The following NEK7 variants were observed in gnomAD, a reference collection of about 807,000 sequenced individuals.
The protein encoded by NEK7 is NIMA related kinase 7.
A neutral mutation model predicts 44.6 loss-of-function variants in NEK7; 18 were observed. That is an observed-to-expected ratio of 0.40 (90% CI 0.28 to 0.60). The LOEUF (loss-of-function observed/expected upper bound fraction) is 0.60, where lower values mean the gene tolerates loss of function less well. NEK7 is among the 20% of genes least tolerant of loss of function. The probability of loss-of-function intolerance (pLI) is 0.38; values close to 1 mark genes in which losing one functional copy is unlikely to be tolerated. For missense variants in NEK7, 256 were observed against 366.5 expected, an observed-to-expected ratio of 0.70 and a Z score of 2.46; for synonymous variants, 130 against 121.1, an observed-to-expected ratio of 1.07 and a Z score of -0.48.
intron 9 of NEK7, among the ~76,000 whole-genome samples, chr1:198,306,111 C>A (rs1655018560): frequency 6.6e-6 from 1 of 152,076 alleles, no homozygotes; most frequent in Non-Finnish European, 1.5e-5. Flanking sequence ...CAGTAGTGTC[C>A]ACCCCCATAG....
chr1:198,160,881 T>A (rs1364287474), intron 1 of NEK7, among the ~76,000 whole-genome samples: 1 of 152,256 alleles, frequency 6.6e-6, no homozygotes, highest in Non-Finnish European at 1.5e-5. Context: ...CTAGGTGTTG[T>A]GTATTTTCAC....
At chr1:198,253,698 C>T (rs537692303) in intron 3 of NEK7, among the ~76,000 whole-genome samples, 3 of 152,136 alleles carry the variant, frequency 2.0e-5, no homozygotes, top group Non-Finnish European at 4.4e-5. Context: ...GTATTTGTGT[C>T]ATTCTGGAAT....
At chr1:198,162,695 C>T (rs1242486278) in intron 1 of NEK7, among the ~76,000 whole-genome samples, 1 of 152,076 alleles carries the variant, frequency 6.6e-6, no homozygotes, top group African/African-American at 2.4e-5. Flanking sequence ...TGGGCTGCTT[C>T]CCACTTCTGC....
At chr1:198,192,145 G>GTT (rs2102769024) in intron 1 of NEK7, among the ~76,000 whole-genome samples, 1 of 151,236 alleles carries the variant, frequency 6.6e-6, no homozygotes, top group South Asian at 2.1e-4. Flanking sequence ...GAAGTTGTTT[G>GTT]TTTTATCTTA....
intron 9 of NEK7, among the ~76,000 whole-genome samples, chr1:198,306,147 A>G (rs1408830475): frequency 6.6e-6 from 1 of 152,184 alleles, no homozygotes; most frequent in Non-Finnish European, 1.5e-5. Flanking sequence ...TGAATAAATT[A>G]AATCATGTAA....
intron 1 of NEK7, among the ~76,000 whole-genome samples, chr1:198,183,730 T>G (rs1172640769): frequency 1.3e-5 from 2 of 152,138 alleles, no homozygotes; most frequent in Non-Finnish European, 1.5e-5. Flanking sequence ...TAAGCAGGCA[T>G]TATATTTTCA....
At chr1:198,193,534 G>A (rs958005611) in intron 1 of NEK7, among the ~76,000 whole-genome samples, 2 of 152,090 alleles carry the variant, frequency 1.3e-5, no homozygotes, top group African/African-American at 2.4e-5. Context: ...CAATATGCCC[G>A]ATGAACATCA....
chr1:198,259,945 C>T (rs538776917), intron 3 of NEK7, among the ~76,000 whole-genome samples: 1 of 152,154 alleles, frequency 6.6e-6, no homozygotes, highest in South Asian at 2.1e-4. Flanking sequence ...GAACAAGTAG[C>T]ACTTACAAGT....
chr1:198,278,847 C>G, intron 6 of NEK7, 107 bp from the exon 7 acceptor site: 1 of 625,956 alleles, frequency 1.6e-6, no homozygotes, highest in Admixed American at 2.9e-5. Flanking sequence ...ATCAAACTTT[C>G]ATGATTAAAA....
rs144307613 is a variant in NEK7, at chr1:198,265,888, T to C, written c.372+1653T>C. ...CATTAGTACATATGTCTTTAAAAAG[T>C]ATACATATAAACATACTATATATTA... is the stretch of plus-strand genomic sequence containing the variant. On this transcript the variant is annotated intron_variant, in intron 5 of 9. Transcript: ENST00000367385. Among the ~76,000 whole-genome samples, 1,311 of 152,202 alleles carry C rather than the reference T, an allele frequency of 8.6e-3. 12 individuals are homozygous for C. Among genetic ancestry groups the C allele is most frequent in the Middle Eastern group, 0.01 (3 of 294 alleles).
chr1:198,314,352 T>G (rs1479735868), intron 9 of NEK7, among the ~76,000 whole-genome samples: 4 of 152,188 alleles, frequency 2.6e-5, no homozygotes, highest in Non-Finnish European at 5.9e-5. Flanking sequence ...TTTTCAAAGT[T>G]TTCAACTTCT....
In NEK7 at chr1:198,267,432, T is replaced by C. The variant is rs189988773; in HGVS notation, c.372+3197T>C. Among the ~76,000 whole-genome samples, 35 of 152,060 alleles carry C rather than the reference T, an allele frequency of 2.3e-4. No homozygotes were observed. The South Asian group carries it at 5.6e-3, about 24-fold the overall frequency. ...GGAGTTTGGAGGAGGTGTGTTGCTA[T>C]TTTATTTTATTTATTTAATTAATTT... On this transcript the variant is annotated intron_variant, in intron 5 of 9. Transcript: ENST00000367385.
chr1:198,161,150 G>T (rs911998470), intron 1 of NEK7, among the ~76,000 whole-genome samples: 1 of 152,134 alleles, frequency 6.6e-6, no homozygotes, highest in Non-Finnish European at 1.5e-5. Flanking sequence ...TGATTTTAGT[G>T]GTCTATAAAA....
intron 9 of NEK7, among the ~76,000 whole-genome samples, chr1:198,301,293 G>A (rs1169783774): frequency 7.9e-5 from 12 of 152,252 alleles, no homozygotes; most frequent in Non-Finnish European, 4.4e-5. Flanking sequence ...GCTCACGCCT[G>A]TAGTCCCAGC....
chr1:198,191,913 A>G (rs757870388), intron 1 of NEK7, among the ~76,000 whole-genome samples: 14 of 152,060 alleles, frequency 9.2e-5, no homozygotes, highest in Non-Finnish European at 1.8e-4. Context: ...ACTTGCTTGT[A>G]ATGCCACTTG....
At chr1:198,162,065 C>G (rs1302158766) in intron 1 of NEK7, among the ~76,000 whole-genome samples, 7 of 152,124 alleles carry the variant, frequency 4.6e-5, no homozygotes, top group Non-Finnish European at 5.9e-5. Context: ...AGAGGGCCTA[C>G]AGTCAAGGTA....
chr1:198,284,406 C>T (rs891024485), intron 7 of NEK7, among the ~76,000 whole-genome samples: 2 of 152,132 alleles, frequency 1.3e-5, no homozygotes, highest in Non-Finnish European at 2.9e-5. Context: ...TGCTCTCTCT[C>T]CTAGAATTGA....
chr1:198,180,614 T>C (rs1664737622), intron 1 of NEK7, among the ~76,000 whole-genome samples: 1 of 152,116 alleles, frequency 6.6e-6, no homozygotes, highest in Non-Finnish European at 1.5e-5. Flanking sequence ...TTGCTGATAA[T>C]TTTGACCTTG....
chr1:198,286,769 T>A (rs1156918943), intron 7 of NEK7, among the ~76,000 whole-genome samples: 1 of 152,132 alleles, frequency 6.6e-6, no homozygotes, highest in Non-Finnish European at 1.5e-5. Context: ...AGTTTTTTGG[T>A]TTTGTAGGAC....
Sources: gnomAD v4.1 joint callset for allele counts (sites outside exome capture counted in the v4.1 genomes callset) on GRCh38, gnomAD v4.1.1 for gene constraint, MANE v1.5 for transcripts, NCBI Gene and HGNC (gene_info 2026-07-23, HGNC 2026-07-21) for gene names.